GRM7: variants seen among roughly 807,000 people sequenced by gnomAD.
The protein encoded by GRM7 is glutamate metabotropic receptor 7, also known as metabotropic glutamate receptor 7.
In GRM7, 35 loss-of-function variants were observed where a neutral mutation model predicts 84.5. That is an observed-to-expected ratio of 0.41 (90% CI 0.32 to 0.55). The LOEUF (loss-of-function observed/expected upper bound fraction) is 0.55, where lower values mean the gene tolerates loss of function less well. Ranked by LOEUF, GRM7 falls within the 20% of genes least tolerant of loss-of-function variation. The probability of loss-of-function intolerance (pLI) is 0.19; values close to 1 mark genes in which losing one functional copy is unlikely to be tolerated. For synonymous variants in GRM7, 487 were observed against 455.1 expected (o/e 1.07, Z -0.89); for missense variants, 1,003 against 1,194.6 (o/e 0.84, Z 2.36).
rs1400641727 is a variant in GRM7 at position 7,741,108 on chromosome 3, T to C, written c.*702T>C. On this transcript the variant is annotated 3_prime_UTR_variant, in exon 10 of 10. Coordinates refer to ENST00000357716, the MANE Select transcript of GRM7 (RefSeq NM_000844.4). ...TATGATAGGTTACATAAAAGGAAGGTATTGGCTGAACTGAATAGAGGTCTT... is the reference window on the plus strand; with the variant it reads ...TATGATAGGTTACATAAAAGGAAGGCATTGGCTGAACTGAATAGAGGTCTT... The C allele has an allele frequency of 6.6e-6, 1 of 152,404 alleles. No homozygotes were observed. Among genetic ancestry groups the C allele is most frequent in the East Asian group, 1.9e-4 (1 of 5,176 alleles). The allele number at this position is 152,404 out of a possible 1,614,324, so 9.4% of individuals were successfully genotyped here. A position where few individuals can be genotyped will look rare whatever the true frequency, so the allele number is the denominator to read the frequency against.
chr3:7,463,767 G>A (rs948798106), intron 7 of GRM7, among the ~76,000 whole-genome samples: 51 of 152,198 alleles, frequency 3.4e-4, no homozygotes, highest in African/African-American at 1.2e-3. Flanking sequence ...AGGGTAAGAG[G>A]AGATGTTGGA....
intron 1 of GRM7, among the ~76,000 whole-genome samples, chr3:6,990,556 G>T (rs1409847245): frequency 5.3e-5 from 8 of 152,064 alleles, no homozygotes; most frequent in South Asian, 2.1e-4. Context: ...CATGGACGGG[G>T]GCTGAGTTGG....
At chr3:7,509,913 T>G (rs1371378761) in intron 7 of GRM7, among the ~76,000 whole-genome samples, 1 of 152,182 alleles carries the variant, frequency 6.6e-6, no homozygotes, top group South Asian at 2.1e-4. Context: ...TGATTTTGCC[T>G]TTTTAATTAC....
chr3:7,343,621 C>T (rs1384275131), intron 4 of GRM7, among the ~76,000 whole-genome samples: 3 of 152,160 alleles, frequency 2.0e-5, no homozygotes, highest in Non-Finnish European at 4.4e-5. Context: ...GAAAAGCCAA[C>T]ACTTGTCATA....
chr3:7,449,661 C>G (rs1157391254), intron 5 of GRM7, among the ~76,000 whole-genome samples: 1 of 151,924 alleles, frequency 6.6e-6, no homozygotes, highest in African/African-American at 2.4e-5. Context: ...GAAATTTGAC[C>G]CAGTCGCATA....
At chr3:6,894,229 G>A (rs1574981528) in intron 1 of GRM7, among the ~76,000 whole-genome samples, 1 of 152,032 alleles carries the variant, frequency 6.6e-6, no homozygotes, top group African/African-American at 2.4e-5. Context: ...AAAATCTGTA[G>A]CAGAATTACA....
chr3:7,100,435 A>G (rs538413658), intron 1 of GRM7, among the ~76,000 whole-genome samples: 102 of 151,912 alleles, frequency 6.7e-4, no homozygotes, highest in African/African-American at 2.3e-3. Context: ...TGGTACAAAG[A>G]GAAGATGCTG....
intron 9 of GRM7, among the ~76,000 whole-genome samples, chr3:7,687,853 G>C (rs1032185460): frequency 1.3e-5 from 2 of 152,000 alleles, no homozygotes; most frequent in Non-Finnish European, 2.9e-5. Context: ...GTTGACTTTA[G>C]ATGGATGCCA....
At chr3:6,964,284 G>C (rs914363477) in intron 1 of GRM7, among the ~76,000 whole-genome samples, 13 of 152,060 alleles carry the variant, frequency 8.5e-5, no homozygotes, top group African/African-American at 3.1e-4. Flanking sequence ...AATCTGGTTG[G>C]GGTTCTGGTG....
At chr3:7,225,607 A>G (rs1370631864) in intron 2 of GRM7, among the ~76,000 whole-genome samples, 1 of 149,624 alleles carries the variant, frequency 6.7e-6, no homozygotes. Context: ...AAATTAACCT[A>G]TAATTTTTAA....
chr3:7,269,745 C>A (rs1321622090), intron 2 of GRM7, among the ~76,000 whole-genome samples: 1 of 152,032 alleles, frequency 6.6e-6, no homozygotes, highest in East Asian at 1.9e-4. Flanking sequence ...AATCCAGTCT[C>A]TGGACTTTCA....
At chr3:6,953,739 G>A (rs2163735) in intron 1 of GRM7, among the ~76,000 whole-genome samples, 18,135 of 152,236 alleles carry the variant, frequency 0.12, 1,269 homozygotes, top group East Asian at 0.34. Context: ...TAGCTTCAAA[G>A]CATTTGTGAA....
chr3:6,919,750 A>G (rs1697061964), intron 1 of GRM7, among the ~76,000 whole-genome samples: 1 of 152,140 alleles, frequency 6.6e-6, no homozygotes, highest in Admixed American at 6.6e-5. Context: ...AAAGATAACT[A>G]TCGAAGATTC....
chr3:7,263,770 C>T (rs1233276425), intron 2 of GRM7, among the ~76,000 whole-genome samples: 2 of 152,006 alleles, frequency 1.3e-5, no homozygotes, highest in Non-Finnish European at 2.9e-5. Flanking sequence ...GGCTGGTGCT[C>T]TCTATGCCCA....
intron 4 of GRM7, among the ~76,000 whole-genome samples, chr3:7,412,957 A>T (rs1300188063): frequency 1.3e-5 from 2 of 151,950 alleles, no homozygotes; most frequent in Non-Finnish European, 2.9e-5. Context: ...TCTAGTAGAA[A>T]GTTTAGAAAA....
chr3:7,115,520 G>T (rs1183047912), intron 1 of GRM7, among the ~76,000 whole-genome samples: 1 of 152,106 alleles, frequency 6.6e-6, no homozygotes, highest in African/African-American at 2.4e-5. Context: ...ATATTGACAA[G>T]AGCCTTTTTC....
chr3:7,729,703 T>C (rs1702244115), intron 9 of GRM7, among the ~76,000 whole-genome samples: 1 of 151,820 alleles, frequency 6.6e-6, no homozygotes, highest in South Asian at 2.1e-4. Flanking sequence ...ATTGGCTGCA[T>C]CTACTTTTGT....
intron 7 of GRM7, among the ~76,000 whole-genome samples, chr3:7,506,990 A>T (rs1700059276): frequency 6.6e-6 from 1 of 152,086 alleles, no homozygotes; most frequent in East Asian, 1.9e-4. Context: ...CCTTCATATC[A>T]CCATTTTTAT....
chr3:7,419,256 C>T (rs1478814069), intron 5 of GRM7, among the ~76,000 whole-genome samples: 1 of 152,114 alleles, frequency 6.6e-6, no homozygotes, highest in Non-Finnish European at 1.5e-5. Flanking sequence ...ATGAGTGAAA[C>T]ATGAAGCGCA....
Sources: allele counts gnomAD v4.1 joint callset (sites outside exome capture counted in the v4.1 genomes callset), GRCh38; gene constraint gnomAD v4.1.1; transcripts MANE v1.5; gene names NCBI Gene and HGNC (gene_info 2026-07-23, HGNC 2026-07-21).